The following TRAK1 variants were observed in gnomAD, a reference collection of about 807,000 sequenced individuals.
TRAK1 encodes trafficking kinesin-binding protein 1.
TRAK1 carries 33 observed loss-of-function variants against 92.1 expected under a neutral mutation model. The observed-to-expected ratio is 0.36, with a 90% CI of 0.27 to 0.48. The LOEUF is 0.48. TRAK1 is among the 20% of genes least tolerant of loss of function. The pLI is 0.99. For synonymous variants in TRAK1, 521 were observed against 517.3 expected, an observed-to-expected ratio of 1.01 and a Z score of -0.10; for missense variants, 1,123 against 1,257.9, an observed-to-expected ratio of 0.89 and a Z score of 1.62.
At chr3:42,060,334 TG>T (rs1392335044) in intron 1 of TRAK1, among the ~76,000 whole-genome samples, 1 of 5,548 alleles carries the variant, frequency 1.8e-4, no homozygotes, top group Non-Finnish European at 3.4e-4. Flanking sequence ...AGCACCACGG[TG>T]GGGGGTGGGG....
At chr3:42,137,026 A>G (rs1362358588) in intron 2 of TRAK1, among the ~76,000 whole-genome samples, 1 of 152,232 alleles carries the variant, frequency 6.6e-6, no homozygotes, top group East Asian at 1.9e-4. Flanking sequence ...GGTGATTTGA[A>G]AATAAAAACA....
At chr3:42,203,735 AGG>A (rs1707990831) in intron 13 of TRAK1, 1 of 978,238 alleles carries the variant, frequency 1.0e-6, no homozygotes, top group Non-Finnish European at 1.2e-6. Context: ...GTCCCCTCTA[AGG>A]AGCCTTCTTA....
At chr3:42,196,983 TTC>T (rs751918693) in intron 10 of TRAK1, among the ~76,000 whole-genome samples, 15,095 of 122,928 alleles carry the variant, frequency 0.12, 914 homozygotes, top group Non-Finnish European at 0.15. Context: ...CTCTTTCTCT[TTC>T]TCTCTCTCTC....
intron 2 of TRAK1, among the ~76,000 whole-genome samples, chr3:42,131,268 T>C (rs1697162923): frequency 6.6e-6 from 1 of 152,106 alleles, no homozygotes; most frequent in Non-Finnish European, 1.5e-5. Flanking sequence ...TTCTGGTCAC[T>C]CTCCTGGCTT....
intron 1 of TRAK1, among the ~76,000 whole-genome samples, chr3:42,067,696 C>A (rs1377023595): frequency 6.6e-6 from 1 of 151,998 alleles, no homozygotes; most frequent in African/African-American, 2.4e-5. Flanking sequence ...AGTCAGGAAG[C>A]CCCTCACACA....
At position 42,040,531 on chromosome 3, in the gene TRAK1, C is replaced by T. The variant is rs1016961406; in HGVS notation, c.-519+26414C>T. ...ATATGGATATCTGATTGTACTAGTA[C>T]CATTCGTTGAAAAGACTGTTCTTTC... On this transcript the variant is annotated intron_variant, in intron 1 of 16. Transcript: ENST00000487159. Among the ~76,000 whole-genome samples, 3 of 152,072 alleles carry T rather than the reference C, an allele frequency of 2.0e-5. 1 individual carries two copies. The highest frequency in any genetic ancestry group is 1.3e-4 in the Admixed American group (2 of 15,268).
intron 2 of TRAK1, among the ~76,000 whole-genome samples, chr3:42,144,217 T>C (rs1430339424): frequency 6.6e-6 from 1 of 151,942 alleles, no homozygotes; most frequent in Non-Finnish European, 1.5e-5. Flanking sequence ...AATTGTAGCT[T>C]AGGAATTTGT....
At chr3:42,149,444 A>G (rs1264817811) in intron 2 of TRAK1, 1 of 1,526,814 alleles carries the variant, frequency 6.5e-7, no homozygotes, top group Non-Finnish European at 8.8e-7. Context: ...TCTTCTGTCC[A>G]GTATTCTGGA....
chr3:42,109,176 G>A (rs768214442), intron 1 of TRAK1, among the ~76,000 whole-genome samples: 17 of 152,282 alleles, frequency 1.1e-4, no homozygotes, highest in Middle Eastern at 3.4e-3. Context: ...GGACTCTTAG[G>A]AGGATTAAAT....
At chr3:42,192,631 A>C (rs1050578112) in intron 7 of TRAK1, among the ~76,000 whole-genome samples, 34 of 152,338 alleles carry the variant, frequency 2.2e-4, no homozygotes, top group Non-Finnish European at 1.0e-4. Flanking sequence ...AGGAAATTGC[A>C]CTGTGCAGTC....
intron 1 of TRAK1, among the ~76,000 whole-genome samples, chr3:42,092,699 T>TTG (rs1221959388): frequency 7.8e-6 from 1 of 128,702 alleles, no homozygotes. Context: ...TTGTGTTGTG[T>TTG]TGTGTTGTGT....
At chr3:42,038,925 A>T (rs1426988428) in intron 1 of TRAK1, among the ~76,000 whole-genome samples, 1 of 147,338 alleles carries the variant, frequency 6.8e-6, no homozygotes, top group Non-Finnish European at 1.5e-5. Flanking sequence ...TGATTTTTTA[A>T]AAATCAGCCT....
At position 42,193,913 on chromosome 3, in the gene TRAK1, C is replaced by G; in HGVS notation, c.975+15C>G. On this transcript the variant is annotated intron_variant, in intron 9 of 15. Coordinates refer to ENST00000327628, the MANE Select transcript of TRAK1 (RefSeq NM_001042646.3). ...TCACAGCCGAGGTGAGCACCTCTCC[C>G]TCATTCCTTCAGTGCCTCTGATTGC... 6.2e-7 allele frequency: 1 copy of G among 1,612,096 alleles called. No homozygotes were observed. The highest frequency in any genetic ancestry group is 8.5e-7 in the Non-Finnish European group (1 of 1,178,994).
rs1559381437 is a variant in TRAK1, at chr3:42,202,931, T to TC, written c.1744+183dup. The TC allele has an allele frequency of 3.6e-6, 5 of 1,402,226 alleles. No homozygotes were observed. Among genetic ancestry groups the TC allele is most frequent in the Non-Finnish European group, 2.8e-6 (3 of 1,077,270 alleles). 86.9% of individuals were successfully genotyped at this position (1,402,226 alleles called of 1,614,324 possible). ...GGTGCTCAGCCTAGGCCTCCGTCCC[T>TC]CCCCTCTGGCTGGCAGGTGTGACAA... is the stretch of plus-strand genomic sequence containing the variant. On this transcript the variant is annotated intron_variant, in intron 13 of 15. Transcript: ENST00000327628. This position sits in a 1 kb window ranked among gnomAD's most constrained non-coding sequence, Gnocchi z 6.1.
intron 1 of TRAK1, among the ~76,000 whole-genome samples, chr3:42,026,018 T>C (rs1364881212): frequency 6.6e-6 from 1 of 152,232 alleles, no homozygotes; most frequent in Non-Finnish European, 1.5e-5. Flanking sequence ...TGCTGTTTGT[T>C]CTTTCTTCTT....
chr3:42,099,378 C>T (rs78999020), intron 1 of TRAK1, among the ~76,000 whole-genome samples: 1 of 152,282 alleles, frequency 6.6e-6, no homozygotes, highest in African/African-American at 2.4e-5. Context: ...CCCAAGGAGC[C>T]AGAGGATGCT....
At chr3:42,123,719 TCTC>T (rs1710211007) in intron 1 of TRAK1, among the ~76,000 whole-genome samples, 1 of 150,278 alleles carries the variant, frequency 6.7e-6, no homozygotes, top group Admixed American at 6.6e-5. Context: ...TTTTTTTTTC[TCTC>T]CTCTGCCCCT....
chr3:42,094,905 G>A (rs563643879), intron 1 of TRAK1, among the ~76,000 whole-genome samples: 4 of 152,192 alleles, frequency 2.6e-5, no homozygotes, highest in African/African-American at 4.8e-5. Context: ...TGAGGCCCGG[G>A]AACTGGTGTT....
chr3:42,056,303 A>G (rs947618154), intron 1 of TRAK1, among the ~76,000 whole-genome samples: 2 of 152,186 alleles, frequency 1.3e-5, no homozygotes, highest in Non-Finnish European at 2.9e-5. Flanking sequence ...TCCCACCAGC[A>G]GTGAGTGAGG....
Sources: allele counts gnomAD v4.1 joint callset (sites outside exome capture counted in the v4.1 genomes callset), GRCh38; gene constraint gnomAD v4.1.1; non-coding constraint Gnocchi (gnomAD v3.1); transcripts MANE v1.5; gene names NCBI Gene and HGNC (gene_info 2026-07-23, HGNC 2026-07-21).